NOVA1: variants seen among roughly 807,000 people sequenced by gnomAD.
NOVA1 encodes NOVA alternative splicing regulator 1, also known as RNA-binding protein Nova-1.
A neutral mutation model predicts 38.0 loss-of-function variants in NOVA1; 7 were observed. The observed-to-expected ratio is 0.18, with a 90% CI of 0.10 to 0.35. The LOEUF is 0.35. Among genes scored for constraint, NOVA1 ranks in the 10% least tolerant of loss-of-function variants. The pLI is 1.00. For missense variants in NOVA1, 460 were observed against 616.0 expected (o/e 0.75, Z 2.68); for synonymous variants, 270 against 232.5 (o/e 1.16, Z -1.47).
intron 2 of NOVA1, among the ~76,000 whole-genome samples, chr14:26,548,337 A>T (rs920224003): frequency 1.3e-5 from 2 of 151,998 alleles, no homozygotes; most frequent in African/African-American, 4.8e-5. Flanking sequence ...CTGTAGAATG[A>T]AGTTATTTTT....
At chr14:26,466,841 G>A (rs1319715171) in intron 4 of NOVA1, among the ~76,000 whole-genome samples, 1 of 152,092 alleles carries the variant, frequency 6.6e-6, no homozygotes, top group African/African-American at 2.4e-5. Flanking sequence ...TCCCCATTTT[G>A]TACTTCTGTC....
At chr14:26,472,266 T>C (rs771705853) in intron 4 of NOVA1, 54 bp downstream of exon 4, 1 of 1,053,014 alleles carries the variant, frequency 9.5e-7, no homozygotes, top group Admixed American at 1.8e-5. Flanking sequence ...TTTCTCCAGT[T>C]TGCAGGCAAT....
chr14:26,443,220 G>A lies in NOVA1; in HGVS notation c.*4739C>T, dbSNP rs1390127747. ...GTTTTTGCTTGTTTATATATCTATGGTAACCCAAGTATTGGCTTCTGTACC... is the reference window on the plus strand; with the variant it reads ...GTTTTTGCTTGTTTATATATCTATGATAACCCAAGTATTGGCTTCTGTACC... On this transcript the variant is annotated 3_prime_UTR_variant, in exon 5 of 5. Transcript: ENST00000539517. 1 of 151,576 alleles carries A rather than the reference G, an allele frequency of 6.6e-6. No individual in the cohort carries two copies. The highest frequency in any genetic ancestry group is 1.5e-5 in the Non-Finnish European group (1 of 67,848). The allele number at this position is 151,576 out of a possible 1,614,324, so 9.4% of individuals were successfully genotyped here. A position where few individuals can be genotyped will look rare whatever the true frequency, so the allele number is the denominator to read the frequency against.
At chr14:26,591,055 T>A (rs951664830) in intron 2 of NOVA1, among the ~76,000 whole-genome samples, 3 of 151,808 alleles carry the variant, frequency 2.0e-5, no homozygotes, top group Admixed American at 2.0e-4. Context: ...AATAAAATTG[T>A]ATCTTTTGGA....
intron 2 of NOVA1, among the ~76,000 whole-genome samples, chr14:26,564,492 A>T (rs974224364): frequency 2.6e-5 from 4 of 152,168 alleles, no homozygotes; most frequent in African/African-American, 4.8e-5. Context: ...GCTGGAGTTC[A>T]TGTGGATACT....
chr14:26,534,990 T>C (rs2138570538), intron 2 of NOVA1, among the ~76,000 whole-genome samples: 1 of 152,292 alleles, frequency 6.6e-6, no homozygotes, highest in African/African-American at 2.4e-5. Flanking sequence ...GATTTTGAAC[T>C]TTTGGCCATC....
At chr14:26,514,839 T>C (rs1179131435) in intron 2 of NOVA1, among the ~76,000 whole-genome samples, 1 of 151,894 alleles carries the variant, frequency 6.6e-6, no homozygotes, top group African/African-American at 2.4e-5. Context: ...ACTATATACA[T>C]TTGTTTTATA....
intron 1 of NOVA1, chr14:26,596,651 C>T: frequency 7.8e-7 from 1 of 1,289,136 alleles, no homozygotes; most frequent in East Asian, 5.6e-5. Context: ...CGTTAAAACT[C>T]ATCTTCCAAG....
At chr14:26,528,147 AC>A (rs1463585391) in intron 2 of NOVA1, among the ~76,000 whole-genome samples, 2 of 152,072 alleles carry the variant, frequency 1.3e-5, no homozygotes, top group Non-Finnish European at 2.9e-5. Context: ...TCTTTCTCAC[AC>A]CACTTCCTCA....
At chr14:26,467,235 C>A (rs1481926928) in intron 4 of NOVA1, among the ~76,000 whole-genome samples, 2 of 152,058 alleles carry the variant, frequency 1.3e-5, no homozygotes, top group Non-Finnish European at 2.9e-5. Context: ...TGGGTAGTAT[C>A]CTGGAAGCCA....
At chr14:26,505,135 C>T (rs1418777885) in intron 2 of NOVA1, among the ~76,000 whole-genome samples, 1 of 152,132 alleles carries the variant, frequency 6.6e-6, no homozygotes, top group African/African-American at 2.4e-5. Context: ...AGAACCAAAA[C>T]ATTATTACAT....
At chr14:26,581,495 T>C (rs1893219929) in intron 2 of NOVA1, among the ~76,000 whole-genome samples, 2 of 151,968 alleles carry the variant, frequency 1.3e-5, no homozygotes, top group African/African-American at 2.4e-5. Context: ...GTAAGCAATT[T>C]CAAACTATCT....
At chr14:26,586,530 A>T (rs1282517174) in intron 2 of NOVA1, among the ~76,000 whole-genome samples, 1 of 151,332 alleles carries the variant, frequency 6.6e-6, no homozygotes, top group African/African-American at 2.4e-5. Context: ...AAAAATACAT[A>T]TATTATTAAA....
chr14:26,596,136 G>A (rs1894172077), intron 1 of NOVA1: 1 of 231,380 alleles, frequency 4.3e-6, no homozygotes, highest in Non-Finnish European at 8.7e-6. Context: ...TAACTGCCAG[G>A]AAATAACTCA....
chr14:26,516,821 T>G (rs980349092), intron 2 of NOVA1, among the ~76,000 whole-genome samples: 1 of 152,020 alleles, frequency 6.6e-6, no homozygotes, highest in Non-Finnish European at 1.5e-5. Context: ...GTTAAAGAAA[T>G]GAAGAAGAAT....
rs752004813 is a variant in NOVA1, at chr14:26,448,347, G to A, written c.1136C>T (p.Thr379Met). ...ASASGSTAGG[T>M]AGTFALGSLA... ...GCTACCTAATGCAAATGTCCCCGCC[G>A]TACCACCAGCTGTGCTGCCACTGGC... Residue 379 changes from threonine to methionine, a missense_variant, in exon 5 of 5, where the codon ACG becomes ATG. Physicochemically the swap from Thr to Met is moderately conservative, Grantham distance 81 (BLOSUM62 -1). Transcript: ENST00000539517. The surrounding 1 kb of genome is among the most constrained non-coding windows in gnomAD (Gnocchi z 5.3). 13 of 1,614,020 alleles carry A rather than the reference G, an allele frequency of 8.1e-6. No homozygotes were observed. The highest frequency in any genetic ancestry group is 2.2e-5 in the East Asian group (1 of 44,868).
intron 2 of NOVA1, among the ~76,000 whole-genome samples, chr14:26,517,182 G>A (rs1016752421): frequency 1.6e-4 from 25 of 152,082 alleles, no homozygotes; most frequent in Non-Finnish European, 3.4e-4. Flanking sequence ...TGGGATTACA[G>A]GTGTGAGCCA....
At position 26,597,730 on chromosome 14, in the gene NOVA1, G is replaced by A. The variant is rs1474643870; in HGVS notation, c.-294C>T. On this transcript the variant is annotated 5_prime_UTR_variant, in exon 1 of 5. Coordinates refer to ENST00000539517, the MANE Select transcript of NOVA1 (RefSeq NM_002515.3). ...TGAAAGAAGAAGAAGAAAGGAGACAGGGGGAGAGAGTGGAGAAGGGAGAGG... is the reference window on the plus strand; with the variant it reads ...TGAAAGAAGAAGAAGAAAGGAGACAAGGGGAGAGAGTGGAGAAGGGAGAGG... 6 of 1,080,134 alleles carry A rather than the reference G, an allele frequency of 5.6e-6. No individual in the cohort carries two copies. In the South Asian group the frequency reaches 2.3e-4, roughly 41 times the overall value. 66.9% of individuals were successfully genotyped at this position (1,080,134 alleles called of 1,614,324 possible).
chr14:26,544,901 A>G (rs1890696438), intron 2 of NOVA1, among the ~76,000 whole-genome samples: 1 of 152,000 alleles, frequency 6.6e-6, no homozygotes, highest in Admixed American at 6.6e-5. Context: ...CTTCTAATAA[A>G]CCCGTTAGAG....
Sources: gnomAD v4.1 joint callset for allele counts (sites outside exome capture counted in the v4.1 genomes callset) on GRCh38, gnomAD v4.1.1 for gene constraint, Gnocchi (gnomAD v3.1) non-coding constraint, MANE v1.5 for transcripts, NCBI Gene and HGNC (gene_info 2026-07-23, HGNC 2026-07-21) for gene names.